Variants in FOXD2 observed in about 807,000 individuals in gnomAD.
The protein encoded by FOXD2 is forkhead box protein D2.
A neutral mutation model predicts 6.4 loss-of-function variants in FOXD2; 4 were observed. The ratio of observed to expected loss-of-function variants is 0.62; its 90% CI spans 0.31 to 1.42. The LOEUF is 1.42. FOXD2 is among the 40% of genes most tolerant of loss of function. The probability of loss-of-function intolerance (pLI) is 0.08; values close to 1 mark genes in which losing one functional copy is unlikely to be tolerated. For missense variants in FOXD2, 709 were observed against 766.8 expected, an observed-to-expected ratio of 0.92 and a Z score of 0.89; for synonymous variants, 393 against 373.6, an observed-to-expected ratio of 1.05 and a Z score of -0.60.
Position 47,439,295 on chromosome 1 carries a change from T to C in FOXD2, c.1160T>C (p.Leu387Pro). The C allele has an allele frequency of 6.7e-7, 1 of 1,493,110 alleles. No homozygotes were observed. Among genetic ancestry groups the C allele is most frequent in the Non-Finnish European group, 8.8e-7 (1 of 1,134,326 alleles). 92.5% of individuals were successfully genotyped at this position (1,493,110 alleles called of 1,614,324 possible). A position where few individuals can be genotyped will look rare whatever the true frequency, so the allele number is the denominator to read the frequency against. The change falls in exon 1 of 1, where the codon CTG becomes CCG. Residue 387 changes from leucine (L) to proline (P), a missense_variant. Coordinates refer to ENST00000334793, the MANE Select transcript of FOXD2 (RefSeq NM_004474.4). Reference sequence around the variant, plus strand: ...GCGGCGGGTCTGCCCACCGCACTTCTGCGCCAGGGCCTCAAGACGGACGCG... The same window carrying C: ...GCGGCGGGTCTGCCCACCGCACTTCCGCGCCAGGGCCTCAAGACGGACGCG... Reference protein sequence around the residue: ...GTAAGLPTALLRQGLKTDAGG... With the variant: ...GTAAGLPTALPRQGLKTDAGG...
chr1:47,439,919 CG>C lies in FOXD2; in HGVS notation c.*297del, dbSNP rs1646998703. On this transcript the variant is annotated 3_prime_UTR_variant, in exon 1 of 1. Transcript: ENST00000334793. The stretch of plus-strand genomic sequence containing the variant: ...GGCTTCGTTTTTTTCCCTGCCTCTG[CG>C]CCTCTCGGGGAACACATTCCGGGAG... 5 of 393,584 alleles carry C rather than the reference CG, an allele frequency of 1.3e-5. No homozygotes were observed. Among genetic ancestry groups the C allele is most frequent in the Non-Finnish European group, 2.4e-5 (5 of 211,504 alleles). 24.4% of individuals were successfully genotyped at this position (393,584 alleles called of 1,614,324 possible).
In FOXD2 at chr1:47,438,108, G is replaced by C. The variant is rs1646984288; in HGVS notation, c.-28G>C. 1 of 1,389,434 alleles carries C rather than the reference G, an allele frequency of 7.2e-7. No homozygotes were observed. The highest frequency in any genetic ancestry group is 9.3e-7 in the Non-Finnish European group (1 of 1,075,838). 86.1% of individuals were successfully genotyped at this position (1,389,434 alleles called of 1,614,324 possible). ...GAGCCGCTGCCGGAGCGGAGCCGGA[G>C]AGTGGCGGCGGCGGCGGCAGCGGCA... is the stretch of plus-strand genomic sequence containing the variant. On this transcript the variant is annotated 5_prime_UTR_variant, in exon 1 of 1. Transcript: ENST00000334793.
Position 47,438,581 on chromosome 1 carries a change from C to G in FOXD2, c.446C>G (p.Thr149Arg). 6.2e-7 allele frequency: 1 copy of G among 1,613,902 alleles called. No individual in the cohort carries two copies. The highest frequency in any genetic ancestry group is 8.5e-7 in the Non-Finnish European group (1 of 1,179,942). The change falls in exon 1 of 1, where the codon ACG becomes AGG. Residue 149 changes from threonine (T) to arginine (R), a missense_variant. By Grantham distance (71) the Thr-to-Arg change is moderately conservative (BLOSUM62 -1). Transcript: ENST00000334793. ...CTGCAGAGCCCCAAGAAGCGGCTGA[C>G]GTTGAGCGAGATCTGCGAGTTCATC... is the stretch of plus-strand genomic sequence containing the variant. ...AILQSPKKRL[T>R]LSEICEFISG...
At position 47,439,215 on chromosome 1, in the gene FOXD2, G is replaced by A. The variant is rs780923796; in HGVS notation, c.1080G>A (p.Leu360=). The part of the protein sequence containing the change: ...AGLPAFLGAE[L]GCAKAFYAAS... ...TGCCCGCCTTCCTGGGCGCGGAGCT[G>A]GGCTGCGCCAAAGCCTTCTACGCGG... The change falls in exon 1 of 1, where the codon CTG becomes CTA. Residue 360 remains leucine, a synonymous_variant. Coordinates refer to ENST00000334793, the MANE Select transcript of FOXD2 (RefSeq NM_004474.4). 1.4e-5 allele frequency: 21 copies of A among 1,476,930 alleles called. No homozygotes were observed. In the East Asian group the frequency reaches 6.1e-4, roughly 43 times the overall value. 91.5% of individuals were successfully genotyped at this position (1,476,930 alleles called of 1,614,324 possible).
In FOXD2 at chr1:47,439,600, G is replaced by A. The variant is rs561751813; in HGVS notation, c.1465G>A (p.Gly489Ser). Residue 489 changes from glycine to serine, a missense_variant, in exon 1 of 1, where the codon GGC (glycine) becomes AGC (serine). By Grantham distance (56) the Gly-to-Ser change is moderately conservative. Around this residue, in one of 5 missense-constraint regions of FOXD2, gnomAD observed 322 missense variants for 313.8 expected, o/e 1.03. Transcript: ENST00000334793. ...GTCCCGGTTTGCCAGCAAAGTCGCC[G>A]GCCTTAGTGGCTGCCACTTCTGACC... is the stretch of plus-strand genomic sequence containing the variant. Reference protein sequence around the residue: ...SGSRFASKVAGLSGCHF With the variant: ...SGSRFASKVASLSGCHF The A allele has an allele frequency of 5.8e-6, 9 of 1,554,386 alleles. No individual in the cohort carries two copies. Among genetic ancestry groups the A allele is most frequent in the Non-Finnish European group, 7.8e-6 (9 of 1,149,626 alleles).
chr1:47,438,558 G>A lies in FOXD2; in HGVS notation c.423G>A (p.Leu141=), dbSNP rs1646988172. The A allele has an allele frequency of 6.2e-7, 1 of 1,613,626 alleles. No homozygotes were observed. Among genetic ancestry groups the A allele is most frequent in the East Asian group, 2.2e-5 (1 of 44,800 alleles). ...SYIALITMAI[L]QSPKKRLTLS... is the part of the protein sequence containing the mutation. ...TCGCGCTCATCACCATGGCCATCCTGCAGAGCCCCAAGAAGCGGCTGACGT... is the reference window on the plus strand; with the variant it reads ...TCGCGCTCATCACCATGGCCATCCTACAGAGCCCCAAGAAGCGGCTGACGT... The change falls in exon 1 of 1, where the codon CTG becomes CTA. Residue 141 remains leucine, a synonymous_variant. Coordinates refer to ENST00000334793, the MANE Select transcript of FOXD2 (RefSeq NM_004474.4).
In FOXD2 at chr1:47,438,111, TGGCGGC is replaced by T; in HGVS notation, c.-15_-10del. 7.2e-7 allele frequency: 1 copy of T among 1,385,516 alleles called. No homozygotes were observed. The highest frequency in any genetic ancestry group is 9.3e-7 in the Non-Finnish European group (1 of 1,073,634). The allele number at this position is 1,385,516 out of a possible 1,614,324, so 85.8% of individuals were successfully genotyped here. A position where few individuals can be genotyped will look rare whatever the true frequency, so the allele number is the denominator to read the frequency against. ...CCGCTGCCGGAGCGGAGCCGGAGAG[TGGCGGC>T]GGCGGCGGCAGCGGCACCATGACCC... On this transcript the variant is annotated 5_prime_UTR_variant, in exon 1 of 1. Coordinates refer to ENST00000334793, the MANE Select transcript of FOXD2 (RefSeq NM_004474.4).
Position 47,439,665 on chromosome 1 carries a change from C to G in FOXD2, c.*42C>G. ...GCCGGTTAGGTCCGCACTCCTCAGCCTCTCCCGGGAGTTCCTGCGGTCCCA... is the reference window on the plus strand; with the variant it reads ...GCCGGTTAGGTCCGCACTCCTCAGCGTCTCCCGGGAGTTCCTGCGGTCCCA... On this transcript the variant is annotated 3_prime_UTR_variant, in exon 1 of 1. Transcript: ENST00000334793. 1 of 1,510,650 alleles carries G rather than the reference C, an allele frequency of 6.6e-7. No individual in the cohort carries two copies. Among genetic ancestry groups the G allele is most frequent in the East Asian group, 2.5e-5 (1 of 39,450 alleles). 93.6% of individuals were successfully genotyped at this position (1,510,650 alleles called of 1,614,324 possible). A position where few individuals can be genotyped will look rare whatever the true frequency, so the allele number is the denominator to read the frequency against.
Position 47,440,015 on chromosome 1 carries a change from CT to C in FOXD2, c.*393del, listed in dbSNP as rs375654150. The C allele has an allele frequency of 4.7e-5, 10 of 213,260 alleles. No homozygotes were observed. Among genetic ancestry groups the C allele is most frequent in the African/African-American group, 2.3e-4 (10 of 42,808 alleles). 13.2% of individuals were successfully genotyped at this position (213,260 alleles called of 1,614,324 possible). On this transcript the variant is annotated 3_prime_UTR_variant, in exon 1 of 1. Coordinates refer to ENST00000334793, the MANE Select transcript of FOXD2 (RefSeq NM_004474.4). ...GAGGGTCTCCCTTTCTGCCTTTCCC[CT>C]CTCACTTCTTCCCCAACGTTGAGAC...
At position 47,438,312 on chromosome 1, in the gene FOXD2, C is replaced by T. The variant is rs1646985840; in HGVS notation, c.177C>T (p.Pro59=). Residue 59 remains proline, a synonymous_variant, in exon 1 of 1, where the codon CCC becomes CCT. Transcript: ENST00000334793. Reference sequence around the variant, plus strand: ...TGCTCCCCCACGGCCACGAGCCTCCCGCGGAGGAAGCCGAGGCAGACTTAG... The same window carrying T: ...TGCTCCCCCACGGCCACGAGCCTCCTGCGGAGGAAGCCGAGGCAGACTTAG... The part of the protein sequence containing the change: ...RDVLPHGHEP[P]AEEAEADLAE... 7 of 1,302,214 alleles carry T rather than the reference C, an allele frequency of 5.4e-6. No individual in the cohort carries two copies. Among genetic ancestry groups the T allele is most frequent in the East Asian group, 6.3e-5 (2 of 31,904 alleles). The allele number at this position is 1,302,214 out of a possible 1,614,324, so 80.7% of individuals were successfully genotyped here. A position where few individuals can be genotyped will look rare whatever the true frequency, so the allele number is the denominator to read the frequency against.
At position 47,438,345 on chromosome 1, in the gene FOXD2, CGAG is replaced by C. The variant is rs1646986075; in HGVS notation, c.217_219del (p.Glu73del). 9 of 1,271,900 alleles carry C rather than the reference CGAG, an allele frequency of 7.1e-6. No individual in the cohort carries two copies. Among genetic ancestry groups the C allele is most frequent in the Non-Finnish European group, 8.9e-6 (9 of 1,008,012 alleles). The allele number at this position is 1,271,900 out of a possible 1,614,324, so 78.8% of individuals were successfully genotyped here. ...AAGCCGAGGCAGACTTAGCCGAGGACGAGGAGGAGTCTGGTGGCTGCTCGGACG... is the reference window on the plus strand; with the variant it reads ...AAGCCGAGGCAGACTTAGCCGAGGACGAGGAGTCTGGTGGCTGCTCGGACG... On this transcript the variant is annotated inframe_deletion, in exon 1 of 1. Coordinates refer to ENST00000334793, the MANE Select transcript of FOXD2 (RefSeq NM_004474.4).
chr1:47,438,941 G>A lies in FOXD2; in HGVS notation c.806G>A (p.Gly269Asp). 1 of 1,527,184 alleles carries A rather than the reference G, an allele frequency of 6.5e-7. No homozygotes were observed. The highest frequency in any genetic ancestry group is 1.2e-5 in the South Asian group (1 of 81,954). The allele number at this position is 1,527,184 out of a possible 1,614,324, so 94.6% of individuals were successfully genotyped here. A position where few individuals can be genotyped will look rare whatever the true frequency, so the allele number is the denominator to read the frequency against. The change falls in exon 1 of 1, where the codon GGC becomes GAC. Residue 269 changes from glycine (G) to aspartate (D), a missense_variant. By Grantham distance (94) the Gly-to-Asp change is moderately conservative. Around this residue, in one of 5 missense-constraint regions of FOXD2, gnomAD observed 98 missense variants for 91.0 expected, o/e 1.08. Coordinates refer to ENST00000334793, the MANE Select transcript of FOXD2 (RefSeq NM_004474.4). The stretch of plus-strand genomic sequence containing the variant: ...GCTGCCTACGGCGCCTACGGCTACG[G>A]CTACGGGCTGGCTCTCCCGGCCTAC... ...GFAAYGAYGY[G>D]YGLALPAYGA...
chr1:47,438,448 C>T lies in FOXD2; in HGVS notation c.313C>T (p.Arg105Cys). 1 of 1,099,316 alleles carries T rather than the reference C, an allele frequency of 9.1e-7. No individual in the cohort carries two copies. The highest frequency in any genetic ancestry group is 1.7e-5 in the African/African-American group (1 of 59,194). 68.1% of individuals were successfully genotyped at this position (1,099,316 alleles called of 1,614,324 possible). A position where few individuals can be genotyped will look rare whatever the true frequency, so the allele number is the denominator to read the frequency against. The change falls in exon 1 of 1, where the codon CGC (arginine) becomes TGC (cysteine). Residue 105 changes from arginine to cysteine, a missense_variant. This residue lies in a region of FOXD2 where 220 missense variants were observed against 199.2 expected (regional missense o/e 1.10). Coordinates refer to ENST00000334793, the MANE Select transcript of FOXD2 (RefSeq NM_004474.4). ...GSPGPGAAAA[R>C]GAAGPGPGPP... ...CCCGGGGCCAGGCGCCGCGGCGGCC[C>T]GCGGCGCAGCGGGGCCCGGGCCGGG... is the stretch of plus-strand genomic sequence containing the variant.
rs1418663134 is a variant in FOXD2 at position 47,438,451 on chromosome 1, G to T, written c.316G>T (p.Gly106Cys). Residue 106 changes from glycine (G) to cysteine (C), a missense_variant, in exon 1 of 1, where the codon GGC (glycine) becomes TGC (cysteine). Gly to Cys is a radical substitution (Grantham distance 159). Coordinates refer to ENST00000334793, the MANE Select transcript of FOXD2 (RefSeq NM_004474.4). Reference sequence around the variant, plus strand: ...GGGGCCAGGCGCCGCGGCGGCCCGCGGCGCAGCGGGGCCCGGGCCGGGACC... The same window carrying T: ...GGGGCCAGGCGCCGCGGCGGCCCGCTGCGCAGCGGGGCCCGGGCCGGGACC... Reference protein sequence around the residue: ...SPGPGAAAARGAAGPGPGPPS... With the variant: ...SPGPGAAAARCAAGPGPGPPS... 3 of 1,117,062 alleles carry T rather than the reference G, an allele frequency of 2.7e-6. No homozygotes were observed. The East Asian group carries it at 1.5e-4, about 56-fold the overall frequency. The allele number at this position is 1,117,062 out of a possible 1,614,324, so 69.2% of individuals were successfully genotyped here.
At position 47,438,201 on chromosome 1, in the gene FOXD2, G is replaced by T; in HGVS notation, c.66G>T (p.Glu22Asp). The change falls in exon 1 of 1, where the codon GAG becomes GAT. Residue 22 changes from glutamate to aspartate, a missense_variant. By Grantham distance (45) the Glu-to-Asp change is conservative (BLOSUM62 2). Around this residue, in one of 5 missense-constraint regions of FOXD2, gnomAD observed 220 missense variants for 199.2 expected, o/e 1.10. Coordinates refer to ENST00000334793, the MANE Select transcript of FOXD2 (RefSeq NM_004474.4). The part of the protein sequence containing the change: ...SSESSPAALS[E>D]ADADIDVVGG... ...AGAGCTCCCCGGCCGCGCTGTCCGA[G>T]GCCGACGCAGACATAGACGTGGTGG... is the stretch of plus-strand genomic sequence containing the variant. 1.4e-6 allele frequency: 2 copies of T among 1,458,874 alleles called. No homozygotes were observed. Among genetic ancestry groups the T allele is most frequent in the Non-Finnish European group, 1.8e-6 (2 of 1,110,412 alleles). 90.4% of individuals were successfully genotyped at this position (1,458,874 alleles called of 1,614,324 possible).
Position 47,439,065 on chromosome 1 carries a change from AC to A in FOXD2, c.935del (p.Pro312GlnfsTer60). On this transcript the variant is annotated frameshift_variant, in exon 1 of 1. Coordinates refer to ENST00000334793, the MANE Select transcript of FOXD2 (RefSeq NM_004474.4). LOFTEE classifies it high-confidence loss of function. ...CCGCCGCTCCTTGCCAGCTGTCGGT[AC>A]CCCCAGGCCGCGCCGCCGCGCCTCC... ...AAAAPCQLSV[P>X]PGRAAAPPPG... 1.4e-6 allele frequency: 2 copies of A among 1,446,366 alleles called. No individual in the cohort carries two copies. The highest frequency in any genetic ancestry group is 2.6e-5 in the Admixed American group (1 of 38,924). The allele number at this position is 1,446,366 out of a possible 1,614,324, so 89.6% of individuals were successfully genotyped here. A position where few individuals can be genotyped will look rare whatever the true frequency, so the allele number is the denominator to read the frequency against.
In FOXD2 at chr1:47,438,173, C is replaced by T. The variant is rs1435640297; in HGVS notation, c.38C>T (p.Ser13Phe). Reference sequence around the variant, plus strand: ...AGCTGCTGCTGCGAGATCATGTCCTCCGAGAGCTCCCCGGCCGCGCTGTCC... The same window carrying T: ...AGCTGCTGCTGCGAGATCATGTCCTTCGAGAGCTCCCCGGCCGCGCTGTCC... Reference protein sequence around the residue: ...LGSCCCEIMSSESSPAALSEA... With the variant: ...LGSCCCEIMSFESSPAALSEA... Residue 13 changes from serine (S) to phenylalanine (F), a missense_variant, in exon 1 of 1, where the codon TCC becomes TTC. Physicochemically the swap from Ser to Phe is radical, Grantham distance 155. This residue lies in a region of FOXD2 where 220 missense variants were observed against 199.2 expected (regional missense o/e 1.10). Transcript: ENST00000334793. 1 of 1,467,034 alleles carries T rather than the reference C, an allele frequency of 6.8e-7. No homozygotes were observed. The highest frequency in any genetic ancestry group is 9.0e-7 in the Non-Finnish European group (1 of 1,115,254). 90.9% of individuals were successfully genotyped at this position (1,467,034 alleles called of 1,614,324 possible).
rs982601104 is a variant in FOXD2, at chr1:47,439,597, G to T, written c.1462G>T (p.Ala488Ser). Residue 488 changes from alanine to serine, a missense_variant, in exon 1 of 1, where the codon GCC becomes TCC. This residue lies in a region of FOXD2 where 322 missense variants were observed against 313.8 expected (regional missense o/e 1.03). Transcript: ENST00000334793. The stretch of plus-strand genomic sequence containing the variant: ...AGGGTCCCGGTTTGCCAGCAAAGTC[G>T]CCGGCCTTAGTGGCTGCCACTTCTG... ...SSGSRFASKV[A>S]GLSGCHF 3.9e-6 allele frequency: 6 copies of T among 1,554,898 alleles called. No homozygotes were observed. Among genetic ancestry groups the T allele is most frequent in the Non-Finnish European group, 4.3e-6 (5 of 1,149,980 alleles).
Position 47,439,471 on chromosome 1 carries a change from G to C in FOXD2, c.1336G>C (p.Gly446Arg). 6.5e-7 allele frequency: 1 copy of C among 1,545,142 alleles called. No homozygotes were observed. Among genetic ancestry groups the C allele is most frequent in the Non-Finnish European group, 8.7e-7 (1 of 1,148,016 alleles). ...GPPFAAAAGP[G>R]GQAQVLAMLT... ...GCCATTCGCGGCAGCCGCGGGTCCT[G>C]GGGGCCAAGCCCAGGTCTTGGCCAT... The change falls in exon 1 of 1, where the codon GGG becomes CGG. Residue 446 changes from glycine (G) to arginine (R), a missense_variant. Physicochemically the swap from Gly to Arg is moderately radical, Grantham distance 125 (BLOSUM62 -2). Around this residue, in one of 5 missense-constraint regions of FOXD2, gnomAD observed 322 missense variants for 313.8 expected, o/e 1.03. Transcript: ENST00000334793.
Sources: gnomAD v4.1 joint callset for allele counts on GRCh38, gnomAD v4.1.1 for gene constraint, gnomAD v4.1.1 regional missense constraint, MANE v1.5 for transcripts, NCBI Gene and HGNC (gene_info 2026-07-23, HGNC 2026-07-21) for gene names.